The following STIM2 variants were observed in gnomAD, a reference collection of about 807,000 sequenced individuals.
The protein encoded by STIM2 is stromal interaction molecule 2.
STIM2 carries 31 observed loss-of-function variants against 85.8 expected under a neutral mutation model. The observed-to-expected ratio is 0.36, with a 90% CI of 0.27 to 0.49. The LOEUF (loss-of-function observed/expected upper bound fraction) is 0.49, where lower values mean the gene tolerates loss of function less well. Ranked by LOEUF, STIM2 falls within the 20% of genes least tolerant of loss-of-function variation. The pLI is 0.98. For missense variants in STIM2, 841 were observed against 927.6 expected (o/e 0.91, Z 1.21); for synonymous variants, 356 against 331.1 (o/e 1.08, Z -0.82).
At chr4:26,989,630 G>T (rs932524168) in intron 3 of STIM2, among the ~76,000 whole-genome samples, 9 of 152,122 alleles carry the variant, frequency 5.9e-5, no homozygotes, top group African/African-American at 1.7e-4. Context: ...TTAAGCAAAA[G>T]AAATAAATAA....
intron 3 of STIM2, among the ~76,000 whole-genome samples, chr4:26,971,093 T>G (rs1371683571): frequency 6.6e-6 from 1 of 152,212 alleles, no homozygotes; most frequent in East Asian, 1.9e-4. Context: ...TGGGGTTGTT[T>G]GCTTTTTTCT....
intron 2 of STIM2, among the ~76,000 whole-genome samples, chr4:26,936,216 A>G (rs1725387107): frequency 6.6e-6 from 1 of 152,194 alleles, no homozygotes; most frequent in Admixed American, 6.5e-5. Flanking sequence ...TGGTCCCAGC[A>G]TTTATTTAGT....
At chr4:26,997,516 G>A (rs376899512) in intron 4 of STIM2, among the ~76,000 whole-genome samples, 69 of 152,190 alleles carry the variant, frequency 4.5e-4, no homozygotes, top group Middle Eastern at 3.4e-3. Flanking sequence ...CACCCACTCA[G>A]GTGGAATCAT....
At chr4:27,002,744 A>T (rs1728201348) in intron 6 of STIM2, among the ~76,000 whole-genome samples, 183 bp from the exon 7 acceptor site, 1 of 152,178 alleles carries the variant, frequency 6.6e-6, no homozygotes, top group African/African-American at 2.4e-5. Flanking sequence ...ACCCAGGATA[A>T]CCAAAATAGC....
chr4:26,897,593 CAG>C (rs916912252), intron 1 of STIM2, among the ~76,000 whole-genome samples: 4 of 152,120 alleles, frequency 2.6e-5, no homozygotes, highest in African/African-American at 7.2e-5. Flanking sequence ...CAAAGAAAAT[CAG>C]ATATATAAAT....
intron 1 of STIM2, among the ~76,000 whole-genome samples, chr4:26,891,172 G>T (rs1215478336): frequency 6.6e-6 from 1 of 152,180 alleles, no homozygotes; most frequent in Non-Finnish European, 1.5e-5. Flanking sequence ...TCAAACACTA[G>T]TCTAGATGTT....
chr4:27,005,783 A>G (rs1180420014), intron 7 of STIM2, among the ~76,000 whole-genome samples: 5 of 152,224 alleles, frequency 3.3e-5, no homozygotes, highest in African/African-American at 4.8e-5. Context: ...TGCTAAAAAT[A>G]TGTAAGTAGT....
intron 2 of STIM2, among the ~76,000 whole-genome samples, chr4:26,923,115 C>G (rs1724868413): frequency 2.0e-5 from 3 of 151,166 alleles, no homozygotes; most frequent in Admixed American, 6.6e-5. Context: ...AGCAGGGGCA[C>G]ACTGACACGT....
At chr4:26,881,615 CAA>C (rs1181431567) in intron 1 of STIM2, 3 of 152,048 alleles carry the variant, frequency 2.0e-5, no homozygotes, top group South Asian at 2.1e-4. Context: ...GACCTGTAAG[CAA>C]AAAAATTTCT....
Position 26,957,703 on chromosome 4 carries a change from G to A in STIM2, c.374G>A (p.Trp125Ter). ...AAACATATAACGATTGAGGATTTATGGAAACGATGGAAAACATCAGAAGGT... is the reference window on the plus strand; with the variant it reads ...AAACATATAACGATTGAGGATTTATAGAAACGATGGAAAACATCAGAAGGT... The change falls in exon 3 of 12, where the codon TGG (tryptophan) becomes TAG (stop). Residue 125 changes from tryptophan (W) to a stop codon, truncating the protein, a stop_gained. Transcript: ENST00000467087. LOFTEE classifies it high-confidence loss of function. 1 of 1,597,898 alleles carries A rather than the reference G, an allele frequency of 6.3e-7. No individual in the cohort carries two copies. The highest frequency in any genetic ancestry group is 8.5e-7 in the Non-Finnish European group (1 of 1,174,060).
intron 10 of STIM2, among the ~76,000 whole-genome samples, chr4:27,010,337 G>A (rs1017891162): frequency 1.3e-5 from 2 of 152,000 alleles, no homozygotes; most frequent in Admixed American, 1.3e-4. Flanking sequence ...TCAGCTACTC[G>A]GGAGGCTGAG....
chr4:26,902,647 ATTTCT>A (rs1161858260), intron 1 of STIM2, among the ~76,000 whole-genome samples: 2 of 152,170 alleles, frequency 1.3e-5, no homozygotes, highest in Non-Finnish European at 2.9e-5. Context: ...ATTCAAAATC[ATTTCT>A]TAGAAATTTC....
intron 10 of STIM2, among the ~76,000 whole-genome samples, chr4:27,011,246 T>C (rs1012326371): frequency 4.6e-5 from 7 of 152,250 alleles, no homozygotes; most frequent in Non-Finnish European, 8.8e-5. Context: ...AACTAGGTGA[T>C]ATTTTACAAC....
intron 1 of STIM2, among the ~76,000 whole-genome samples, chr4:26,863,741 C>A (rs1370333872): frequency 6.6e-6 from 1 of 152,036 alleles, no homozygotes; most frequent in African/African-American, 2.4e-5. Flanking sequence ...CTAAACGTCA[C>A]GTGAATTTTG....
At chr4:26,918,229 T>A (rs1724663777) in intron 1 of STIM2, among the ~76,000 whole-genome samples, 1 of 116,410 alleles carries the variant, frequency 8.6e-6, no homozygotes, top group Admixed American at 8.1e-5. Context: ...TCAGTTTGAC[T>A]TTTTTTTTTT....
At chr4:26,981,816 G>A (rs1372856207) in intron 3 of STIM2, among the ~76,000 whole-genome samples, 3 of 152,266 alleles carry the variant, frequency 2.0e-5, no homozygotes, top group East Asian at 3.9e-4. Context: ...GACTATCACA[G>A]GAGTGATTCT....
chr4:26,930,602 T>G (rs1725172415), intron 2 of STIM2, among the ~76,000 whole-genome samples: 1 of 152,172 alleles, frequency 6.6e-6, no homozygotes. Context: ...GCCTTCACAA[T>G]ACATTCTTTG....
At chr4:26,989,871 C>T (rs1727704451) in intron 3 of STIM2, among the ~76,000 whole-genome samples, 1 of 151,748 alleles carries the variant, frequency 6.6e-6, no homozygotes, top group African/African-American at 2.4e-5. Context: ...CAATAGGTAC[C>T]AAAAAATATA....
intron 2 of STIM2, among the ~76,000 whole-genome samples, chr4:26,944,273 T>TTTAC (rs1455459417): frequency 6.6e-6 from 1 of 152,194 alleles, no homozygotes; most frequent in Non-Finnish European, 1.5e-5. Context: ...TATTTTATGG[T>TTTAC]TTACTTGTTC....
Sources: allele counts gnomAD v4.1 joint callset (sites outside exome capture counted in the v4.1 genomes callset), GRCh38; gene constraint gnomAD v4.1.1; transcripts MANE v1.5; gene names NCBI Gene and HGNC (gene_info 2026-07-23, HGNC 2026-07-21).